The following ELK4 variants were observed in gnomAD, a reference collection of about 807,000 sequenced individuals.
ELK4 encodes ETS transcription factor ELK4.
A neutral mutation model predicts 29.6 loss-of-function variants in ELK4; 16 were observed. The ratio of observed to expected loss-of-function variants is 0.54; its 90% confidence interval spans 0.37 to 0.82. The LOEUF is 0.82. Ranked by LOEUF, ELK4 falls within the 40% of genes least tolerant of loss-of-function variation. The probability of loss-of-function intolerance (pLI) is 0.00; values close to 1 mark genes in which losing one functional copy is unlikely to be tolerated. For missense variants in ELK4, 465 were observed against 507.1 expected (o/e 0.92, Z 0.80); for synonymous variants, 213 against 191.1 (o/e 1.11, Z -0.95).
Position 205,608,639 on chromosome 1 carries a change from T to C in ELK4, c.*7907A>G. 1 of 198,034 alleles carries C rather than the reference T, an allele frequency of 5.0e-6. No individual in the cohort carries two copies. Among genetic ancestry groups the C allele is most frequent in the Non-Finnish European group, 1.0e-5 (1 of 95,670 alleles). 12.3% of individuals were successfully genotyped at this position (198,034 alleles called of 1,614,324 possible). The stretch of plus-strand genomic sequence containing the variant: ...CTCCCTAATGTAAATTATGCTGAAA[T>C]CAACTAAGACGAGCTATTATTAACA... On this transcript the variant is annotated 3_prime_UTR_variant, in exon 5 of 5. Coordinates refer to ENST00000357992, the MANE Select transcript of ELK4 (RefSeq NM_001973.4).
chr1:205,613,219 C>T lies in ELK4; in HGVS notation c.*3327G>A. ...GGTGTGGTGGTGCATGCCTGTAGCC[C>T]AGCTATGCAGGAGGCTGAGGCAGGA... is the stretch of plus-strand genomic sequence containing the variant. On this transcript the variant is annotated 3_prime_UTR_variant, in exon 5 of 5. Transcript: ENST00000357992. 1 of 198,308 alleles carries T rather than the reference C, an allele frequency of 5.0e-6. No individual in the cohort carries two copies. The highest frequency in any genetic ancestry group is 1.0e-5 in the Non-Finnish European group (1 of 95,816). 12.3% of individuals were successfully genotyped at this position (198,308 alleles called of 1,614,324 possible).
In ELK4 at chr1:205,620,026, T is replaced by G; in HGVS notation, c.1020A>C (p.Pro340=). 6.2e-7 allele frequency: 1 copy of G among 1,614,188 alleles called. No homozygotes were observed. The change falls in exon 3 of 5, where the codon CCA becomes CCC. Residue 340 remains proline, a synonymous_variant. Transcript: ENST00000357992. ...TLVITSSDPS[P]LGILSPSLPT... ...GGAGAGATGGGCTCAGTATTCCCAGTGGGCTTGGATCACTGCTCGTGATCA... is the reference window on the plus strand; with the variant it reads ...GGAGAGATGGGCTCAGTATTCCCAGGGGGCTTGGATCACTGCTCGTGATCA...
chr1:205,621,324 T>C (rs1670343598), intron 2 of ELK4, among the ~76,000 whole-genome samples: 2 of 151,388 alleles, frequency 1.3e-5, no homozygotes, highest in African/African-American at 4.9e-5. Context: ...CAGTCCCTAC[T>C]ATTATGGAGA....
At chr1:205,626,607 A>C (rs1670469229) in intron 1 of ELK4, among the ~76,000 whole-genome samples, 1 of 152,186 alleles carries the variant, frequency 6.6e-6, no homozygotes, top group African/African-American at 2.4e-5. Context: ...GTTATTAGGG[A>C]ACTAAAAATC....
intron 2 of ELK4, among the ~76,000 whole-genome samples, chr1:205,622,729 T>C (rs1404254797): frequency 6.6e-6 from 1 of 152,252 alleles, no homozygotes; most frequent in Non-Finnish European, 1.5e-5. Context: ...AATATTTACT[T>C]ATCCTCAAGA....
Position 205,616,552 on chromosome 1 carries a change from C to T in ELK4, c.1290G>A (p.Lys430=). 6.2e-7 allele frequency: 1 copy of T among 1,614,058 alleles called. No homozygotes were observed. The highest frequency in any genetic ancestry group is 8.5e-7 in the Non-Finnish European group (1 of 1,179,940). ...CATTCCACAAGTGCATAGGTTATGT[C>T]TTCTGTAGGTCTGGGGAAAATGGGC... ...TPGPFSPDLQ[K]T is the part of the protein sequence containing the mutation. The change falls in exon 5 of 5, where the codon AAG becomes AAA. Residue 430 remains lysine (K), a synonymous_variant. Transcript: ENST00000357992.
chr1:205,609,451 CA>C lies in ELK4; in HGVS notation c.*7094del, dbSNP rs1417631135. 5.2e-6 allele frequency: 1 copy of C among 192,806 alleles called. No individual in the cohort carries two copies. Among genetic ancestry groups the C allele is most frequent in the African/African-American group, 2.3e-5 (1 of 43,072 alleles). The allele number at this position is 192,806 out of a possible 1,614,324, so 11.9% of individuals were successfully genotyped here. ...ATTGTGATTAGAAAAGATCCAGGGC[CA>C]AAACAAATAAATAGGCCTCAAGGAA... On this transcript the variant is annotated 3_prime_UTR_variant, in exon 5 of 5. Transcript: ENST00000357992.
intron 2 of ELK4, 97 bp downstream of exon 2, chr1:205,623,579 T>C: frequency 7.2e-7 from 1 of 1,383,082 alleles, no homozygotes; most frequent in Non-Finnish European, 1.0e-6. Context: ...CCTCCCAAAG[T>C]GCTGGGATTA....
At position 205,609,067 on chromosome 1, in the gene ELK4, G is replaced by A. The variant is rs984222003; in HGVS notation, c.*7479C>T. 5 of 188,356 alleles carry A rather than the reference G, an allele frequency of 2.7e-5. No individual in the cohort carries two copies. The highest frequency in any genetic ancestry group is 5.6e-5 in the Non-Finnish European group (5 of 89,548). 11.7% of individuals were successfully genotyped at this position (188,356 alleles called of 1,614,324 possible). On this transcript the variant is annotated 3_prime_UTR_variant, in exon 5 of 5. Transcript: ENST00000357992. ...GTTCAGAAACTGCCACTGCCACTGT[G>A]GTTAAATCACTTGGTGTATGGAATT... is the stretch of plus-strand genomic sequence containing the variant.
rs1190946331 is a variant in ELK4 at position 205,615,741 on chromosome 1, C to A, written c.*805G>T. On this transcript the variant is annotated 3_prime_UTR_variant, in exon 5 of 5. Coordinates refer to ENST00000357992, the MANE Select transcript of ELK4 (RefSeq NM_001973.4). ...TGTATTCCATGGGCATATAATCATA[C>A]CACCCAGAGGGCAAAGAGCATTTCT... The A allele has an allele frequency of 9.5e-6, 2 of 209,902 alleles. No individual in the cohort carries two copies. Among genetic ancestry groups the A allele is most frequent in the African/African-American group, 2.3e-5 (1 of 43,988 alleles). 13.0% of individuals were successfully genotyped at this position (209,902 alleles called of 1,614,324 possible).
Position 205,614,132 on chromosome 1 carries a change from C to G in ELK4, c.*2414G>C, listed in dbSNP as rs1025943789. On this transcript the variant is annotated 3_prime_UTR_variant, in exon 5 of 5. Transcript: ENST00000357992. ...TCACCAATCTGTGACAGCCTCACAC[C>G]TCTGAGAGGCTATAGATTTATGCAA... The G allele has an allele frequency of 1.4e-5, 3 of 222,080 alleles. No homozygotes were observed. The highest frequency in any genetic ancestry group is 2.7e-5 in the Non-Finnish European group (3 of 111,102). 13.8% of individuals were successfully genotyped at this position (222,080 alleles called of 1,614,324 possible).
chr1:205,612,007 G>C lies in ELK4; in HGVS notation c.*4539C>G, dbSNP rs183167038. On this transcript the variant is annotated 3_prime_UTR_variant, in exon 5 of 5. Transcript: ENST00000357992. ...AGCAACTTGAAATAATTCTAAATTT[G>C]TTGGTAAAATATAACATAAGTCCCA... 80 of 188,238 alleles carry C rather than the reference G, an allele frequency of 4.2e-4. No individual in the cohort carries two copies. Among genetic ancestry groups the C allele is most frequent in the African/African-American group, 1.8e-3 (78 of 42,884 alleles). 11.7% of individuals were successfully genotyped at this position (188,238 alleles called of 1,614,324 possible).
chr1:205,619,220 C>CA (rs1311444778), intron 3 of ELK4, 147 bp from the exon 4 acceptor site: 68 of 1,121,034 alleles, frequency 6.1e-5, no homozygotes, highest in Non-Finnish European at 7.2e-5. Flanking sequence ...TGACAAAACT[C>CA]AAAAATTATT....
intron 1 of ELK4, among the ~76,000 whole-genome samples, chr1:205,629,170 C>CAAGAAAAA (rs1670526128): frequency 1.1e-5 from 1 of 92,290 alleles, no homozygotes; most frequent in Admixed American, 1.2e-4. Flanking sequence ...GACTACGTCT[C>CAAGAAAAA]AAAAAAAAAA....
At chr1:205,618,326 C>T (rs1040722072) in intron 4 of ELK4, among the ~76,000 whole-genome samples, 1 of 152,056 alleles carries the variant, frequency 6.6e-6, no homozygotes, top group African/African-American at 2.4e-5. Context: ...ACACACACTG[C>T]CTGGCCCATT....
At position 205,623,686 on chromosome 1, in the gene ELK4, T is replaced by G; in HGVS notation, c.197A>C (p.Tyr66Ser). 1 of 1,614,082 alleles carries G rather than the reference T, an allele frequency of 6.2e-7. No homozygotes were observed. The highest frequency in any genetic ancestry group is 8.5e-7 in the Non-Finnish European group (1 of 1,180,008). ...YDKLSRALRY[Y>S]YVKNIIKKVN... ...CAGGATGTGTACTACCTTTACATAA[T>G]AGTATCTGAGGGCTCGGCTGAGTTT... is the stretch of plus-strand genomic sequence containing the variant. Residue 66 changes from tyrosine to serine, a missense_variant, in exon 2 of 5, where the codon TAT becomes TCT. Physicochemically the swap from Tyr to Ser is moderately radical, Grantham distance 144. Transcript: ENST00000357992.
intron 1 of ELK4, among the ~76,000 whole-genome samples, chr1:205,628,679 C>A (rs1670511865): frequency 6.6e-6 from 1 of 152,138 alleles, no homozygotes; most frequent in African/African-American, 2.4e-5. Context: ...GGAGACTCCC[C>A]AAAATAACAG....
chr1:205,613,405 A>G lies in ELK4; in HGVS notation c.*3141T>C, dbSNP rs1271441065. On this transcript the variant is annotated 3_prime_UTR_variant, in exon 5 of 5. Coordinates refer to ENST00000357992, the MANE Select transcript of ELK4 (RefSeq NM_001973.4). ...CATGATATTTTAATTTTGTATTTTG[A>G]AAAGTCAGTATATAAATAAGAAAAA... The G allele has an allele frequency of 5.5e-6, 1 of 183,192 alleles. No homozygotes were observed. The highest frequency in any genetic ancestry group is 8.9e-5 in the East Asian group (1 of 11,230). 11.3% of individuals were successfully genotyped at this position (183,192 alleles called of 1,614,324 possible). A position where few individuals can be genotyped will look rare whatever the true frequency, so the allele number is the denominator to read the frequency against.
rs574794924 is a variant in ELK4, at chr1:205,626,118, G to A, written c.-9-2227C>T. ...ACACCATGAAGACTTCTTTCTCTAC[G>A]TTGCCTACAGTGACCAAAGTGTCTA... On this transcript the variant is annotated intron_variant, in intron 1 of 4. Transcript: ENST00000357992. 5.8e-5 allele frequency: 46 copies of A among 794,624 alleles called. 1 individual carries two copies. The East Asian group carries it at 6.1e-4, about 10-fold the overall frequency. The allele number at this position is 794,624 out of a possible 1,614,324, so 49.2% of individuals were successfully genotyped here. A position where few individuals can be genotyped will look rare whatever the true frequency, so the allele number is the denominator to read the frequency against.
Sources: allele counts gnomAD v4.1 joint callset (sites outside exome capture counted in the v4.1 genomes callset), GRCh38; gene constraint gnomAD v4.1.1; transcripts MANE v1.5; gene names NCBI Gene and HGNC (gene_info 2026-07-23, HGNC 2026-07-21).